The following HDAC4 variants were observed in gnomAD, a reference collection of about 807,000 sequenced individuals.
HDAC4 encodes histone deacetylase 4.
A neutral mutation model predicts 135.1 loss-of-function variants in HDAC4; 16 were observed. That is an observed-to-expected ratio of 0.12 (90% CI 0.08 to 0.18). The LOEUF (loss-of-function observed/expected upper bound fraction) is 0.18, where lower values mean the gene tolerates loss of function less well. HDAC4 is among the 10% of genes least tolerant of loss of function. The pLI is 1.00. For synonymous variants in HDAC4, 685 were observed against 653.4 expected (o/e 1.05, Z -0.74); for missense variants, 1,143 against 1,511.8 (o/e 0.76, Z 4.05).
At chr2:239,129,112 C>T (rs1291395762) in intron 11 of HDAC4, among the ~76,000 whole-genome samples, 2 of 152,164 alleles carry the variant, frequency 1.3e-5, no homozygotes, top group Admixed American at 6.5e-5. Context: ...GTTGCACTCC[C>T]CACGGACCAG....
At chr2:239,166,494 G>A (rs1287457752) in intron 5 of HDAC4, among the ~76,000 whole-genome samples, 1 of 152,144 alleles carries the variant, frequency 6.6e-6, no homozygotes, top group Non-Finnish European at 1.5e-5. Context: ...GGGTGGCGGT[G>A]GGGGGACAGG....
intron 1 of HDAC4, among the ~76,000 whole-genome samples, chr2:239,364,249 T>A (rs1694032446): frequency 6.6e-6 from 1 of 152,202 alleles, no homozygotes; most frequent in South Asian, 2.1e-4. Context: ...GGCAGCATTA[T>A]CTGTAACAGT....
At chr2:239,181,170 G>T (rs779986842) in intron 4 of HDAC4, among the ~76,000 whole-genome samples, 3 of 152,210 alleles carry the variant, frequency 2.0e-5, no homozygotes, top group East Asian at 1.9e-4. Flanking sequence ...CCACAAACAC[G>T]CCCACCCACC....
intron 24 of HDAC4, among the ~76,000 whole-genome samples, chr2:239,059,378 A>G (rs1342420583): frequency 6.6e-6 from 1 of 152,220 alleles, no homozygotes; most frequent in Non-Finnish European, 1.5e-5. Context: ...GATTCTCGGA[A>G]GTGCTTGAGT....
upstream of HDAC4, chr2:239,401,033 C>A (rs1200097242): frequency 6.6e-6 from 1 of 152,558 alleles, no homozygotes. Context: ...CGATAGGCCA[C>A]CCCGCACGCC....
intron 1 of HDAC4, among the ~76,000 whole-genome samples, chr2:239,381,940 C>T (rs930880701): frequency 2.0e-5 from 3 of 152,254 alleles, no homozygotes; most frequent in Non-Finnish European, 2.9e-5. Flanking sequence ...CACACACACA[C>T]ACTCCATCAG....
intron 2 of HDAC4, among the ~76,000 whole-genome samples, chr2:239,278,293 A>T (rs1289936488): frequency 6.6e-6 from 1 of 152,254 alleles, no homozygotes; most frequent in Non-Finnish European, 1.5e-5. Flanking sequence ...CCCACCAACC[A>T]GTATTTTCTA....
intron 13 of HDAC4, 94 bp downstream of exon 13, chr2:239,114,959 C>T: frequency 6.8e-7 from 1 of 1,475,540 alleles, no homozygotes; most frequent in Non-Finnish European, 9.2e-7. Context: ...CAAGGATGCC[C>T]TGCAGCCCCC....
intron 2 of HDAC4, among the ~76,000 whole-genome samples, chr2:239,261,456 G>A (rs2049360926): frequency 6.6e-6 from 1 of 152,196 alleles, no homozygotes; most frequent in South Asian, 2.1e-4. Flanking sequence ...GGCTCTGGGA[G>A]GTGGGCAGGC....
chr2:239,224,196 G>T (rs1345008012), intron 3 of HDAC4, among the ~76,000 whole-genome samples: 1 of 152,222 alleles, frequency 6.6e-6, no homozygotes, highest in Non-Finnish European at 1.5e-5. Context: ...CCATCTGCAG[G>T]CTAAGGAAAT....
At chr2:239,127,146 G>A (rs2040247650) in intron 11 of HDAC4, among the ~76,000 whole-genome samples, 1 of 152,204 alleles carries the variant, frequency 6.6e-6, no homozygotes, top group African/African-American at 2.4e-5. Context: ...TCCAAAGACA[G>A]CCTGAGTTGT....
chr2:239,226,665 T>TGG (rs140938093), intron 3 of HDAC4, among the ~76,000 whole-genome samples: 4,932 of 151,668 alleles, frequency 0.033, 220 homozygotes, highest in African/African-American at 0.1. Flanking sequence ...TAACATGTAA[T>TGG]GGGGGGGGTG....
At chr2:239,373,069 G>T (rs185717222) in intron 1 of HDAC4, among the ~76,000 whole-genome samples, 139 of 152,324 alleles carry the variant, frequency 9.1e-4, no homozygotes, top group African/African-American at 3.2e-3. Context: ...GGTGCAAAGA[G>T]CCTCACGTCC....
chr2:239,191,049 C>G, intron 3 of HDAC4: 2 of 458,190 alleles, frequency 4.4e-6, no homozygotes, highest in South Asian at 1.6e-5. Context: ...GCGACTCTGC[C>G]GAAAACTTCA....
chr2:239,349,772 G>A lies in HDAC4; in HGVS notation c.22+2906C>T, dbSNP rs1692987854. Among the ~76,000 whole-genome samples, 1 of 152,244 alleles carries A rather than the reference G, an allele frequency of 6.6e-6. No individual in the cohort carries two copies. The highest frequency in any genetic ancestry group is 2.1e-4 in the South Asian group (1 of 4,834). On this transcript the variant is annotated intron_variant, in intron 2 of 26. Transcript: ENST00000543185. The surrounding 1 kb of genome is among the most constrained non-coding windows in gnomAD (Gnocchi z 5.7). ...GGGAAAGATGACAGCGGACAGGGCA[G>A]AGGAGGCAGCCAGCAGACTTCAGGC...
At chr2:239,063,749 C>T (rs984829686) in intron 24 of HDAC4, among the ~76,000 whole-genome samples, 2 of 152,236 alleles carry the variant, frequency 1.3e-5, no homozygotes, top group Admixed American at 6.5e-5. Flanking sequence ...TGGGCTCTCA[C>T]TGACCCCCAG....
At chr2:239,305,850 A>G (rs1049066948) in intron 2 of HDAC4, among the ~76,000 whole-genome samples, 2 of 152,162 alleles carry the variant, frequency 1.3e-5, no homozygotes, top group Non-Finnish European at 2.9e-5. Flanking sequence ...CTCTGACCCC[A>G]TTCCCTAAAC....
chr2:239,167,928 A>C lies in HDAC4; in HGVS notation c.491-4005T>G, dbSNP rs1399263486. Among the ~76,000 whole-genome samples, 4 of 133,488 alleles carry C rather than the reference A, an allele frequency of 3.0e-5. No individual in the cohort carries two copies. The highest frequency in any genetic ancestry group is 6.3e-5 in the Non-Finnish European group (4 of 63,152). 87.6% of individuals were successfully genotyped at this position (133,488 alleles called of 152,430 possible). A position where few individuals can be genotyped will look rare whatever the true frequency, so the allele number is the denominator to read the frequency against. The stretch of plus-strand genomic sequence containing the variant: ...TGAGCGAGCAACAGCTGAGCGGGGC[A>C]GAGAGAGGAGGACAGCAGCTCTGGG... On this transcript the variant is annotated intron_variant, in intron 5 of 26. Transcript: ENST00000543185. This position sits in a 1 kb window ranked among gnomAD's most constrained non-coding sequence, Gnocchi z 4.1.
intron 7 of HDAC4, among the ~76,000 whole-genome samples, chr2:239,145,041 G>A (rs1040059253): frequency 6.6e-6 from 1 of 152,230 alleles, no homozygotes; most frequent in Non-Finnish European, 1.5e-5. Flanking sequence ...GATTTACTGG[G>A]CGTGGCAGGA....
Sources: allele counts gnomAD v4.1 joint callset (sites outside exome capture counted in the v4.1 genomes callset), GRCh38; gene constraint gnomAD v4.1.1; non-coding constraint Gnocchi (gnomAD v3.1); transcripts MANE v1.5; gene names NCBI Gene and HGNC (gene_info 2026-07-23, HGNC 2026-07-21).